Variants in DYNC1H1 observed in about 807,000 individuals in gnomAD.
DYNC1H1 encodes dynein cytoplasmic 1 heavy chain 1.
In DYNC1H1, 51 loss-of-function variants were observed where a neutral mutation model predicts 527.1. That is an observed-to-expected ratio of 0.10 (90% CI 0.08 to 0.12). DYNC1H1 has a LOEUF of 0.12. Among genes scored for constraint, DYNC1H1 ranks in the 10% least tolerant of loss-of-function variants. The pLI is 1.00. For synonymous variants in DYNC1H1, 2,189 were observed against 2,278.8 expected, an observed-to-expected ratio of 0.96 and a Z score of 1.12; for missense variants, 2,771 against 5,971.8, an observed-to-expected ratio of 0.46 and a Z score of 17.66.
chr14:101,976,709 G>A, intron 2 of DYNC1H1, among the ~76,000 whole-genome samples: 1 of 152,102 alleles, frequency 6.6e-6, no homozygotes, highest in East Asian at 1.9e-4. Flanking sequence ...TTCTGTTTGA[G>A]CTGTAATATA....
In DYNC1H1 at chr14:102,038,413, A is replaced by AAAG. The variant is rs748584437; in HGVS notation, c.10909-46_10909-44dup. The AAAG allele has an allele frequency of 1.9e-6, 3 of 1,611,206 alleles. No individual in the cohort carries two copies. Among genetic ancestry groups the AAAG allele is most frequent in the Non-Finnish European group, 2.5e-6 (3 of 1,179,876 alleles). ...AGCAACATAGCATTTGGGTGAAGAT[A>AAAG]AAGTTACAAAGCCCTGACCATCAAG... On this transcript the variant is annotated intron_variant, in intron 57 of 77. Coordinates refer to ENST00000360184, the MANE Select transcript of DYNC1H1 (RefSeq NM_001376.5). The surrounding 1 kb of genome is among the most constrained non-coding windows in gnomAD (Gnocchi z 7.2).
rs1347509094 is a variant in DYNC1H1, at chr14:102,005,421, C to T, written c.5433+185C>T. Among the ~76,000 whole-genome samples, 4 of 152,208 alleles carry T rather than the reference C, an allele frequency of 2.6e-5. No individual in the cohort carries two copies. The highest frequency in any genetic ancestry group is 4.8e-5 in the African/African-American group (2 of 41,452). On this transcript the variant is annotated intron_variant, in intron 26 of 77. Coordinates refer to ENST00000360184, the MANE Select transcript of DYNC1H1 (RefSeq NM_001376.5). The surrounding 1 kb of genome is among the most constrained non-coding windows in gnomAD (Gnocchi z 4.0). ...CCCTGTTGAAAGGTAATCTCAGGGGCATGCAGGGGTTACGCGACATCACGG... is the reference window on the plus strand; with the variant it reads ...CCCTGTTGAAAGGTAATCTCAGGGGTATGCAGGGGTTACGCGACATCACGG...
chr14:101,980,339 C>T (rs779439045), intron 4 of DYNC1H1, 25 bp from the exon 5 acceptor site: 40 of 1,612,742 alleles, frequency 2.5e-5, no homozygotes, highest in Non-Finnish European at 8.5e-7. Context: ...AGTGAATACC[C>T]TTGGGTGTTA....
At chr14:101,970,165 A>G (rs181330536) in intron 1 of DYNC1H1, among the ~76,000 whole-genome samples, 6 of 152,296 alleles carry the variant, frequency 3.9e-5, no homozygotes, top group East Asian at 3.9e-4. Context: ...TACGTTAAAT[A>G]TAAGTATTAT....
chr14:102,030,725 C>G (rs991132759), intron 51 of DYNC1H1: 4 of 254,638 alleles, frequency 1.6e-5, no homozygotes, highest in Non-Finnish European at 3.1e-5. Flanking sequence ...TTCTCTTTTT[C>G]CATTCCTTAC....
rs17512790 is a variant in DYNC1H1, at chr14:102,039,266, G to C, written c.11460+12G>C. 4 of 1,613,034 alleles carry C rather than the reference G, an allele frequency of 2.5e-6. No individual in the cohort carries two copies. The highest frequency in any genetic ancestry group is 3.4e-6 in the Non-Finnish European group (4 of 1,180,024). ...AGTCCCTCAAGCAGGTGGGTGCCTT[G>C]GCCATGCAGAGACTGGCGGGCCCCG... is the stretch of plus-strand genomic sequence containing the variant. On this transcript the variant is annotated intron_variant, in intron 60 of 77. Coordinates refer to ENST00000360184, the MANE Select transcript of DYNC1H1 (RefSeq NM_001376.5). This position sits in a 1 kb window ranked among gnomAD's most constrained non-coding sequence, Gnocchi z 7.0.
At chr14:102,013,227 C>T (rs1160710263) in intron 34 of DYNC1H1, among the ~76,000 whole-genome samples, 1 of 115,446 alleles carries the variant, frequency 8.7e-6, no homozygotes, top group Non-Finnish European at 1.6e-5. Context: ...GCAGCCTGGG[C>T]GACAGAGAGA....
At position 102,015,773 on chromosome 14, in the gene DYNC1H1, C is replaced by A; in HGVS notation, c.7243-83C>A. 6.8e-7 allele frequency: 1 copy of A among 1,475,518 alleles called. No individual in the cohort carries two copies. The highest frequency in any genetic ancestry group is 1.2e-5 in the South Asian group (1 of 83,790). The allele number at this position is 1,475,518 out of a possible 1,614,324, so 91.4% of individuals were successfully genotyped here. ...AAATGAGTTTTCCAAGGTCGTATGACCTTCTCCTGGGACCAGGTTAGAATC... is the reference window on the plus strand; with the variant it reads ...AAATGAGTTTTCCAAGGTCGTATGAACTTCTCCTGGGACCAGGTTAGAATC... On this transcript the variant is annotated intron_variant, in intron 35 of 77. Transcript: ENST00000360184. This position sits in a 1 kb window ranked among gnomAD's most constrained non-coding sequence, Gnocchi z 6.9.
Position 102,016,882 on chromosome 14 carries a change from C to T in DYNC1H1, c.7731C>T (p.His2577=), listed in dbSNP as rs530179263. The T allele has an allele frequency of 5.6e-6, 9 of 1,614,098 alleles. No individual in the cohort carries two copies. The highest frequency in any genetic ancestry group is 1.6e-4 in the Middle Eastern group (1 of 6,082). The change falls in exon 38 of 78, where the codon CAC becomes CAT. Residue 2577 remains histidine, a synonymous_variant. Transcript: ENST00000360184. This position sits in a 1 kb window ranked among gnomAD's most constrained non-coding sequence, Gnocchi z 7.3. ...TGCCAACGCTGGACACAGTCCGCCA[C>T]GAAGCCCTCTTGTACACTTGGCTGG... is the stretch of plus-strand genomic sequence containing the variant. The part of the protein sequence containing the change: ...VVVPTLDTVR[H]EALLYTWLAE...
Position 101,964,889 on chromosome 14 carries a change from C to A in DYNC1H1, c.198C>A (p.Arg66=). ...AGAAGAGCGCCCTGGAGCAGATGCG[C>A]AAGTTCCTTTCGGACCCGCAGGTCC... ...LEEKSALEQM[R]KFLSDPQVHT... The change falls in exon 1 of 78, where the codon CGC becomes CGA. Residue 66 remains arginine, a synonymous_variant. Transcript: ENST00000360184. The surrounding 1 kb of genome is among the most constrained non-coding windows in gnomAD (Gnocchi z 5.5). 1 of 1,600,568 alleles carries A rather than the reference C, an allele frequency of 6.2e-7. No homozygotes were observed. The highest frequency in any genetic ancestry group is 8.5e-7 in the Non-Finnish European group (1 of 1,174,662).
chr14:102,001,664 C>T lies in DYNC1H1; in HGVS notation c.4525C>T (p.Leu1509Phe). ...EHINSVSAMK[L>F]SPYYKVFEED... The stretch of plus-strand genomic sequence containing the variant: ...CATCAACAGCGTCTCGGCCATGAAG[C>T]TCTCTCCGTATTACAAGGTGCTGTT... Residue 1509 changes from leucine to phenylalanine, a missense_variant, in exon 21 of 78, where the codon CTC (leucine) becomes TTC (phenylalanine). Leu to Phe is a conservative substitution (Grantham distance 22, BLOSUM62 0). Coordinates refer to ENST00000360184, the MANE Select transcript of DYNC1H1 (RefSeq NM_001376.5). This position sits in a 1 kb window ranked among gnomAD's most constrained non-coding sequence, Gnocchi z 5.0. 6.2e-7 allele frequency: 1 copy of T among 1,614,164 alleles called. No homozygotes were observed. The highest frequency in any genetic ancestry group is 8.5e-7 in the Non-Finnish European group (1 of 1,180,050).
rs754774333 is a variant in DYNC1H1, at chr14:101,986,463, A to G, written c.2238A>G (p.Leu746=). ...KVNFLPEIIT[L]SKEVRNLKWL... ...ACTTTCTTCCTGAGATTATCACACT[A>G]TCCAAAGAAGTCCGGAACCTCAAAT... The change falls in exon 8 of 78, where the codon CTA becomes CTG. Residue 746 remains leucine (L), a synonymous_variant. Transcript: ENST00000360184. The surrounding 1 kb of genome is among the most constrained non-coding windows in gnomAD (Gnocchi z 8.7). 8 of 1,614,062 alleles carry G rather than the reference A, an allele frequency of 5.0e-6. No individual in the cohort carries two copies. The East Asian group carries it at 8.9e-5, about 18-fold the overall frequency.
chr14:102,005,754 C>G lies in DYNC1H1; in HGVS notation c.5434-134C>G, dbSNP rs1052378778. 4.4e-6 allele frequency: 5 copies of G among 1,131,112 alleles called. No individual in the cohort carries two copies. The African/African-American group carries it at 4.6e-5, about 10-fold the overall frequency. 70.1% of individuals were successfully genotyped at this position (1,131,112 alleles called of 1,614,324 possible). ...CTCTCATCTCTGAAAGTGAATTTGC[C>G]TTTTGGAACATTTACTGAAAGCCAT... On this transcript the variant is annotated intron_variant, in intron 26 of 77. Coordinates refer to ENST00000360184, the MANE Select transcript of DYNC1H1 (RefSeq NM_001376.5). The surrounding 1 kb of genome is among the most constrained non-coding windows in gnomAD (Gnocchi z 4.0).
rs774840535 is a variant in DYNC1H1 at position 102,040,266 on chromosome 14, C to A, written c.11721C>A (p.His3907Gln). 1.2e-6 allele frequency: 2 copies of A among 1,614,222 alleles called. No individual in the cohort carries two copies. The highest frequency in any genetic ancestry group is 3.3e-5 in the Admixed American group (2 of 60,018). ...GEPTYDAEFQ[H>Q]FLRGNEIVLS... ...CCACCTACGATGCAGAATTCCAGCA[C>A]TTCTTGAGAGGAAATGAGATTGTCC... Residue 3907 changes from histidine to glutamine, a missense_variant, in exon 63 of 78, where the codon CAC becomes CAA. This residue lies in a region of DYNC1H1 where 120 missense variants were observed against 161.9 expected (regional missense o/e 0.74). Transcript: ENST00000360184.
chr14:102,040,526 T>A, intron 63 of DYNC1H1, 72 bp from the exon 64 acceptor site: 1 of 1,611,044 alleles, frequency 6.2e-7, no homozygotes, highest in Non-Finnish European at 8.5e-7. Context: ...CGCGTCAGAC[T>A]CTCGCTCAGT....
intron 15 of DYNC1H1, among the ~76,000 whole-genome samples, chr14:101,996,792 T>C (rs2048067749): frequency 6.6e-6 from 1 of 151,986 alleles, no homozygotes; most frequent in Non-Finnish European, 1.5e-5. Context: ...TGGCTAATTT[T>C]TTTCTTTTTA....
chr14:102,019,052 A>C (rs1046581812), intron 41 of DYNC1H1, among the ~76,000 whole-genome samples: 2 of 152,244 alleles, frequency 1.3e-5, no homozygotes, highest in East Asian at 3.8e-4. Context: ...TCACTTTTCT[A>C]TGCAGGTGCT....
intron 8 of DYNC1H1, among the ~76,000 whole-genome samples, chr14:101,987,218 C>T (rs1323754090): frequency 1.3e-5 from 2 of 152,228 alleles, no homozygotes; most frequent in African/African-American, 4.8e-5. Flanking sequence ...CCACCTCTCC[C>T]ATTGAGTGGG....
intron 73 of DYNC1H1, 145 bp from the exon 74 acceptor site, chr14:102,048,371 G>C (rs2048756370): frequency 8.6e-7 from 1 of 1,160,274 alleles, no homozygotes. Flanking sequence ...TCGGTTCCAA[G>C]TCACGCTCTG....
Sources: allele counts gnomAD v4.1 joint callset (sites outside exome capture counted in the v4.1 genomes callset), GRCh38; gene constraint gnomAD v4.1.1; regional missense constraint gnomAD v4.1.1; non-coding constraint Gnocchi (gnomAD v3.1); transcripts MANE v1.5; gene names NCBI Gene and HGNC (gene_info 2026-07-23, HGNC 2026-07-21).